ARHGAP6: variants seen among roughly 807,000 people sequenced by gnomAD.
The protein encoded by ARHGAP6 is rho GTPase-activating protein 6.
In ARHGAP6, 16 loss-of-function variants were observed where a neutral mutation model predicts 55.7. The ratio of observed to expected loss-of-function variants is 0.29; its 90% confidence interval spans 0.19 to 0.44. The LOEUF is 0.44. ARHGAP6 is among the 20% of genes least tolerant of loss of function. The probability of loss-of-function intolerance (pLI) is 1.00; values close to 1 mark genes in which losing one functional copy is unlikely to be tolerated. For synonymous variants in ARHGAP6, 382 were observed against 360.9 expected (o/e 1.06, Z -0.66); for missense variants, 698 against 808.9 (o/e 0.86, Z 1.66).
At chrX:11,170,815 C>A (rs2046080580) in intron 8 of ARHGAP6, among the ~76,000 whole-genome samples, 1 of 111,439 alleles carries the variant, frequency 9.0e-6, no homozygotes, top group Non-Finnish European at 1.9e-5. Flanking sequence ...ACTCCAGCAC[C>A]CTTAAGGAGC....
chrX:11,181,282 A>T (rs1442823800), intron 6 of ARHGAP6, among the ~76,000 whole-genome samples: 2 of 112,409 alleles, frequency 1.8e-5, no homozygotes, highest in Admixed American at 1.9e-4. Flanking sequence ...ATTACTTTCA[A>T]TAATATGAAC....
chrX:11,641,607 G>A (rs955182167), intron 1 of ARHGAP6, among the ~76,000 whole-genome samples: 1 of 111,729 alleles, frequency 9.0e-6, no homozygotes, highest in Non-Finnish European at 1.9e-5. Context: ...CTTCAGAGAA[G>A]AATAAACAGT....
chrX:11,582,667 C>A (rs915837232), intron 1 of ARHGAP6, among the ~76,000 whole-genome samples: 8 of 111,621 alleles, frequency 7.2e-5, no homozygotes, highest in African/African-American at 2.3e-4. Context: ...AAACTCCTGG[C>A]AAATTGATCA....
chrX:11,550,881 T>G (rs1265625258), intron 1 of ARHGAP6, among the ~76,000 whole-genome samples: 1 of 111,910 alleles, frequency 8.9e-6, no homozygotes, highest in Non-Finnish European at 1.9e-5. Flanking sequence ...TGTGTGCTGG[T>G]GAGTGGACTC....
chrX:11,243,054 T>C (rs1385278092), intron 2 of ARHGAP6, among the ~76,000 whole-genome samples: 1 of 112,289 alleles, frequency 8.9e-6, no homozygotes, highest in Non-Finnish European at 1.9e-5. Flanking sequence ...TTAATGTATC[T>C]CATTTAATTT....
At chrX:11,292,577 C>T (rs749967892) in intron 1 of ARHGAP6, among the ~76,000 whole-genome samples, 39 of 111,435 alleles carry the variant, frequency 3.5e-4, no homozygotes, top group African/African-American at 1.2e-3. Context: ...AGGATATGGG[C>T]AAAGAAGGGC....
chrX:11,312,918 A>C (rs2048317146), intron 1 of ARHGAP6, among the ~76,000 whole-genome samples: 1 of 111,488 alleles, frequency 9.0e-6, no homozygotes, highest in African/African-American at 3.3e-5. Flanking sequence ...CTCCCAAACA[A>C]ATTTAGCAGC....
At chrX:11,390,137 C>T (rs776896052) in intron 1 of ARHGAP6, among the ~76,000 whole-genome samples, 23 of 111,909 alleles carry the variant, frequency 2.1e-4, no homozygotes, top group African/African-American at 7.1e-4. Flanking sequence ...TTTCAGCTTT[C>T]TACATATGGC....
chrX:11,183,372 C>T (rs928857544), intron 5 of ARHGAP6, among the ~76,000 whole-genome samples: 2 of 111,780 alleles, frequency 1.8e-5, no homozygotes, highest in Non-Finnish European at 3.8e-5. Context: ...TCTGTGCACA[C>T]GTTTTTGTTC....
At chrX:11,183,204 C>T (rs781337676) in intron 5 of ARHGAP6, among the ~76,000 whole-genome samples, 2 of 111,286 alleles carry the variant, frequency 1.8e-5, no homozygotes, top group Non-Finnish European at 3.8e-5. Flanking sequence ...CCAAATACCA[C>T]CTGTTCCCCC....
At chrX:11,181,628 A>G (rs1264366336) in intron 6 of ARHGAP6, among the ~76,000 whole-genome samples, 1 of 112,536 alleles carries the variant, frequency 8.9e-6, no homozygotes, top group Non-Finnish European at 1.9e-5. Context: ...TGGAAACTTC[A>G]TAAGAATTAT....
intron 4 of ARHGAP6, among the ~76,000 whole-genome samples, chrX:11,187,822 G>T (rs2147346107): frequency 9.0e-6 from 1 of 111,656 alleles, no homozygotes; most frequent in Admixed American, 9.4e-5. Context: ...TGAATTCGAA[G>T]GTTCAAGACC....
chrX:11,411,183 T>TTATATATATATATA (rs201875323), intron 1 of ARHGAP6, among the ~76,000 whole-genome samples: 671 of 31,649 alleles, frequency 0.021, 11 homozygotes, highest in East Asian at 0.037. Flanking sequence ...CAGACATTAT[T>TTATATATATATATA]TATATATATA....
At chrX:11,420,425 A>C (rs2049807012) in intron 1 of ARHGAP6, among the ~76,000 whole-genome samples, 1 of 111,793 alleles carries the variant, frequency 8.9e-6, no homozygotes, top group Admixed American at 9.5e-5. Context: ...TGTGGCAAGC[A>C]CCCAAGACCG....
chrX:11,415,346 T>C (rs949042369), intron 1 of ARHGAP6, among the ~76,000 whole-genome samples: 3 of 111,686 alleles, frequency 2.7e-5, no homozygotes, highest in Non-Finnish European at 3.8e-5. Flanking sequence ...ACTGTGGATT[T>C]ATGGGAACTG....
chrX:11,166,091 T>C (rs2046013277), intron 9 of ARHGAP6, among the ~76,000 whole-genome samples: 1 of 112,127 alleles, frequency 8.9e-6, no homozygotes, highest in Non-Finnish European at 1.9e-5. Flanking sequence ...TGTCAACCTC[T>C]GCATCTAGGT....
chrX:11,480,245 T>C (rs1039798522), intron 1 of ARHGAP6, among the ~76,000 whole-genome samples: 1 of 112,111 alleles, frequency 8.9e-6, no homozygotes, highest in African/African-American at 3.2e-5. Context: ...CAATGGTATG[T>C]TATTCGGCAA....
At position 11,560,662 on chromosome X, in the gene ARHGAP6, G is replaced by A. The variant is rs146583188; in HGVS notation, c.588+103579C>T. 4.3e-3 allele frequency among the ~76,000 whole-genome samples: 485 copies of A among 112,254 alleles called. 2 individuals are homozygous for A. The highest frequency in any genetic ancestry group is 0.014 in the Middle Eastern group (3 of 218). On this transcript the variant is annotated intron_variant, in intron 1 of 12. Coordinates refer to ENST00000337414, the MANE Select transcript of ARHGAP6 (RefSeq NM_013427.3). ...AGGTTGGTAGTGCTACAAAGAGGTA[G>A]ATAATCCTTCCTCCAATTTTCTTAT... is the stretch of plus-strand genomic sequence containing the variant.
At position 11,144,020 on chromosome X, in the gene ARHGAP6, TGAC is replaced by T. The variant is rs781717318; in HGVS notation, c.2133_2135del (p.Ser712del). 1.7e-5 allele frequency: 20 copies of T among 1,210,169 alleles called. No individual in the cohort carries two copies. The highest frequency in any genetic ancestry group is 3.5e-5 in the African/African-American group (2 of 57,142). ...GTCCAGGAGAACTTTCCCTTGACTT[TGAC>T]GACGACAAGTGGCCCACCAGCATAA... is the stretch of plus-strand genomic sequence containing the variant. On this transcript the variant is annotated inframe_deletion, in exon 11 of 13. Coordinates refer to ENST00000337414, the MANE Select transcript of ARHGAP6 (RefSeq NM_013427.3).
Sources: allele counts gnomAD v4.1 joint callset (sites outside exome capture counted in the v4.1 genomes callset), GRCh38; gene constraint gnomAD v4.1.1; transcripts MANE v1.5; gene names NCBI Gene and HGNC (gene_info 2026-07-23, HGNC 2026-07-21).